Variants in TENM3 observed in about 807,000 individuals in gnomAD.
The protein encoded by TENM3 is teneurin-3.
TENM3 carries 63 observed loss-of-function variants against 255.1 expected under a neutral mutation model. The observed-to-expected ratio is 0.25, with a 90% CI of 0.20 to 0.30. TENM3 has a LOEUF of 0.30. Ranked by LOEUF, TENM3 falls within the 10% of genes least tolerant of loss-of-function variation. TENM3 has a pLI of 1.00. For synonymous variants in TENM3, 1,306 were observed against 1,322.3 expected (o/e 0.99, Z 0.27); for missense variants, 2,929 against 3,461.1 (o/e 0.85, Z 3.86).
At chr4:181,854,505 T>A in the TENM3 span, among the ~76,000 whole-genome samples, 2,758 of 152,330 alleles carry the variant, frequency 0.018, 46 homozygotes, top group Middle Eastern at 0.051. Flanking sequence ...CCTTTCCAAC[T>A]GGCAATAAAT....
chr4:182,466,898 G>A lies in TENM3; in HGVS notation c.511+119969G>A, dbSNP rs558476215. On this transcript the variant is annotated intron_variant, in intron 3 of 27. Coordinates refer to ENST00000511685, the MANE Select transcript of TENM3 (RefSeq NM_001080477.4). ...CCCATTCCTTAGGGGGTTTAGATAC[G>A]TTAGAATTGAGCATTCTTGCCTTCA... 7.5e-5 allele frequency among the ~76,000 whole-genome samples: 11 copies of A among 147,544 alleles called. No individual in the cohort carries two copies. In the East Asian group the frequency reaches 1.2e-3, roughly 16 times the overall value.
chr4:182,622,218 G>A (rs1188071298), intron 4 of TENM3, among the ~76,000 whole-genome samples: 1 of 151,726 alleles, frequency 6.6e-6, no homozygotes, highest in Non-Finnish European at 1.5e-5. Flanking sequence ...AAATTACCTG[G>A]CATGGTGGCA....
the TENM3 span, among the ~76,000 whole-genome samples, chr4:181,613,216 C>T: frequency 9.2e-5 from 14 of 152,182 alleles, no homozygotes; most frequent in Admixed American, 3.9e-4. Context: ...ATGCTACGTA[C>T]GTGAAGGGGA....
intron 1 of TENM3, among the ~76,000 whole-genome samples, chr4:182,219,959 C>A (rs1332430060): frequency 6.6e-6 from 1 of 152,136 alleles, no homozygotes; most frequent in Admixed American, 6.5e-5. Flanking sequence ...TTTGGTTTTT[C>A]AGTTTCCTGG....
the TENM3 span, among the ~76,000 whole-genome samples, chr4:182,127,050 A>G: frequency 6.6e-6 from 1 of 152,256 alleles, no homozygotes; most frequent in African/African-American, 2.4e-5. Flanking sequence ...ACCCCAAGTG[A>G]GCTTTCTGTA....
chr4:181,707,583 C>A, the TENM3 span, among the ~76,000 whole-genome samples: 4,292 of 152,204 alleles, frequency 0.028, 176 homozygotes, highest in African/African-American at 0.097. Context: ...TGTCAGTGGC[C>A]ATACTTGTAT....
chr4:182,362,337 GGC>G (rs1360146080), intron 3 of TENM3, among the ~76,000 whole-genome samples: 4 of 149,122 alleles, frequency 2.7e-5, no homozygotes, highest in Admixed American at 1.3e-4. Context: ...AGCCTACAGA[GGC>G]AGGCAGGCCT....
chr4:182,290,782 G>C (rs7698735), intron 1 of TENM3, among the ~76,000 whole-genome samples: 33,338 of 148,052 alleles, frequency 0.23, 4,157 homozygotes, highest in African/African-American at 0.34. Context: ...GGATTACAGG[G>C]GTGAGCCACC....
chr4:182,773,582 GAGA>G lies in TENM3; in HGVS notation c.5010_5012del (p.Glu1670del), dbSNP rs774258000. The stretch of plus-strand genomic sequence containing the variant: ...ACAGTGGACATTGAGTCATCTAGCC[GAGA>G]AGAAGATGTCAGCATCACTTCAAAT... On this transcript the variant is annotated inframe_deletion, in exon 23 of 28. Transcript: ENST00000511685. 17 of 1,613,674 alleles carry G rather than the reference GAGA, an allele frequency of 1.1e-5. No individual in the cohort carries two copies. In the South Asian group the frequency reaches 1.4e-4, roughly 14 times the overall value.
chr4:181,804,183 G>A, the TENM3 span, among the ~76,000 whole-genome samples: 1 of 151,726 alleles, frequency 6.6e-6, no homozygotes, highest in Non-Finnish European at 1.5e-5. Context: ...AGGAAAGAAG[G>A]GAGGGAGGGA....
chr4:182,771,084 C>T (rs976065198), intron 22 of TENM3, among the ~76,000 whole-genome samples: 1 of 152,194 alleles, frequency 6.6e-6, no homozygotes, highest in South Asian at 2.1e-4. Flanking sequence ...TCTGAACTTT[C>T]AGCTTCCTGG....
At chr4:182,515,305 G>A (rs901974700) in intron 3 of TENM3, among the ~76,000 whole-genome samples, 2 of 152,194 alleles carry the variant, frequency 1.3e-5, no homozygotes, top group African/African-American at 4.8e-5. Context: ...TTTGGAACAG[G>A]GTGGTTTGTC....
rs562369639 is a variant in TENM3, at chr4:182,441,698, A to C, written c.511+94769A>C. 7.2e-5 allele frequency among the ~76,000 whole-genome samples: 11 copies of C among 152,200 alleles called. No individual in the cohort carries two copies. In the East Asian group the frequency reaches 1.7e-3, roughly 24 times the overall value. On this transcript the variant is annotated intron_variant, in intron 3 of 27. Coordinates refer to ENST00000511685, the MANE Select transcript of TENM3 (RefSeq NM_001080477.4). ...TTTTTAGTAGAGATGGGGTTTCACT[A>C]TGTTGGCCAGGCTGGTCTTGAACTC...
the TENM3 span, among the ~76,000 whole-genome samples, chr4:181,646,494 G>A: frequency 6.6e-6 from 1 of 152,124 alleles, no homozygotes; most frequent in East Asian, 1.9e-4. Context: ...ATGGGGCAAG[G>A]AGCATTCTTC....
intron 3 of TENM3, among the ~76,000 whole-genome samples, chr4:182,579,406 T>C (rs566448335): frequency 6.6e-6 from 1 of 152,288 alleles, no homozygotes; most frequent in African/African-American, 2.4e-5. Context: ...TTGAATAAGC[T>C]AACAAGAAAA....
the TENM3 span, among the ~76,000 whole-genome samples, chr4:181,916,655 G>A: frequency 8.5e-5 from 13 of 152,188 alleles, no homozygotes; most frequent in Non-Finnish European, 1.8e-4. Context: ...GAGGGAGGCC[G>A]ATCACGAGGT....
the TENM3 span, among the ~76,000 whole-genome samples, chr4:181,559,652 A>G: frequency 6.6e-6 from 1 of 152,248 alleles, no homozygotes; most frequent in South Asian, 2.1e-4. Context: ...AGCATTAGCT[A>G]TTACTAATAT....
At chr4:181,604,481 A>G in the TENM3 span, among the ~76,000 whole-genome samples, 7 of 151,938 alleles carry the variant, frequency 4.6e-5, no homozygotes, top group African/African-American at 1.7e-4. Context: ...GTCTTCCCCC[A>G]CCCTCTTACT....
chr4:181,702,004 C>T, the TENM3 span, among the ~76,000 whole-genome samples: 4 of 152,146 alleles, frequency 2.6e-5, no homozygotes, highest in Admixed American at 6.5e-5. Context: ...AGCCTAGGTC[C>T]GTGCCATCCA....
Sources: gnomAD v4.1 joint callset for allele counts (sites outside exome capture counted in the v4.1 genomes callset) on GRCh38, gnomAD v4.1.1 for gene constraint, MANE v1.5 for transcripts, NCBI Gene and HGNC (gene_info 2026-07-23, HGNC 2026-07-21) for gene names.